ATP11A: variants seen among roughly 807,000 people sequenced by gnomAD.
ATP11A encodes the protein phospholipid-transporting ATPase IH.
A neutral mutation model predicts 154.4 loss-of-function variants in ATP11A; 81 were observed. That is an observed-to-expected ratio of 0.52 (90% confidence interval 0.44 to 0.63). The LOEUF (loss-of-function observed/expected upper bound fraction) is 0.63, where lower values mean the gene tolerates loss of function less well. Among genes scored for constraint, ATP11A ranks in the 30% least tolerant of loss-of-function variants. The pLI is 0.00. For synonymous variants in ATP11A, 623 were observed against 585.9 expected, an observed-to-expected ratio of 1.06 and a Z score of -0.91; for missense variants, 1,316 against 1,474.3, an observed-to-expected ratio of 0.89 and a Z score of 1.76.
intron 1 of ATP11A, among the ~76,000 whole-genome samples, chr13:112,783,957 C>A (rs780178608): frequency 4.6e-5 from 7 of 152,190 alleles, no homozygotes; most frequent in African/African-American, 1.7e-4. Flanking sequence ...TGAGCAGACA[C>A]CTAGCAGGGT....
At chr13:112,862,010 A>G (rs1228396693) in intron 24 of ATP11A, among the ~76,000 whole-genome samples, 1 of 152,146 alleles carries the variant, frequency 6.6e-6, no homozygotes, top group African/African-American at 2.4e-5. Context: ...AAGGTGTCAC[A>G]GCAGGCGTAA....
intron 1 of ATP11A, among the ~76,000 whole-genome samples, chr13:112,705,443 G>T (rs2139524325): frequency 1.3e-5 from 2 of 152,290 alleles, no homozygotes; most frequent in Admixed American, 1.3e-4. Context: ...TGAAGATTCT[G>T]TGGGGAGCAA....
At chr13:112,725,821 T>A (rs1889794305) in intron 1 of ATP11A, among the ~76,000 whole-genome samples, 1 of 152,202 alleles carries the variant, frequency 6.6e-6, no homozygotes, top group South Asian at 2.1e-4. Flanking sequence ...TTGGAACAGA[T>A]CCCTGCGTGC....
chr13:112,858,490 C>A, intron 22 of ATP11A, 200 bp downstream of exon 22: 1 of 531,290 alleles, frequency 1.9e-6, no homozygotes, highest in Non-Finnish European at 3.2e-6. Context: ...CCATTACCTA[C>A]AGTCAACCCA....
At position 112,716,994 on chromosome 13, in the gene ATP11A, C is replaced by T. The variant is rs554887427; in HGVS notation, c.39+26539C>T. On this transcript the variant is annotated intron_variant, in intron 1 of 29. Coordinates refer to ENST00000375645, the MANE Select transcript of ATP11A (RefSeq NM_015205.3). ...GTGTCCACCCACAGACGCAGACCCA[C>T]TGGCCTGCAGGGCCCATAGAGGCTG... Among the ~76,000 whole-genome samples the T allele has an allele frequency of 2.2e-4, 33 of 152,154 alleles. 1 individual carries two copies. Among genetic ancestry groups the T allele is most frequent in the East Asian group, 9.7e-4 (5 of 5,158 alleles).
At position 112,785,454 on chromosome 13, in the gene ATP11A, G is replaced by A. The variant is rs1361358865; in HGVS notation, c.162+197G>A. 6.6e-6 allele frequency among the ~76,000 whole-genome samples: 1 copy of A among 151,786 alleles called. No homozygotes were observed. Among genetic ancestry groups the A allele is most frequent in the African/African-American group, 2.4e-5 (1 of 41,330 alleles). On this transcript the variant is annotated intron_variant, in intron 2 of 29. Transcript: ENST00000375645. The surrounding 1 kb of genome is among the most constrained non-coding windows in gnomAD (Gnocchi z 4.8). ...CCCTCTCGGTGACTGCCCACAGGAG[G>A]CTTTCCACCTGCCCAGGGCTCACAG...
In ATP11A at chr13:112,860,417, A is replaced by G; in HGVS notation, c.2855+3A>G. ...AAGAGAGACCCGACCCTGTACAGGT[A>G]CCATCCTCCAAACAGCCTCTCCTGA... On this transcript the variant is annotated splice_donor_region_variant and intron_variant, in intron 24 of 29. Coordinates refer to ENST00000375645, the MANE Select transcript of ATP11A (RefSeq NM_015205.3). The G allele has an allele frequency of 6.2e-7, 1 of 1,614,048 alleles. No individual in the cohort carries two copies. The highest frequency in any genetic ancestry group is 8.5e-7 in the Non-Finnish European group (1 of 1,179,960).
At chr13:112,718,043 T>C (rs1006926126) in intron 1 of ATP11A, among the ~76,000 whole-genome samples, 3 of 152,240 alleles carry the variant, frequency 2.0e-5, no homozygotes, top group Non-Finnish European at 2.9e-5. Context: ...ACCACTGCAC[T>C]GCAGCCTGAG....
At chr13:112,741,930 TGCTCCCCTTCCCCACGGAAGAGC>T (rs905408632) in intron 1 of ATP11A, among the ~76,000 whole-genome samples, 3 of 151,970 alleles carry the variant, frequency 2.0e-5, no homozygotes, top group South Asian at 4.1e-4. Context: ...CTCCATAGAC[TGCTCCCCTTCCCCACGGAAGAGC>T]GCTCCCCTTC....
intron 28 of ATP11A, 145 bp from the exon 29 acceptor site, chr13:112,878,072 C>T (rs909032487): frequency 3.4e-5 from 25 of 737,448 alleles, no homozygotes; most frequent in African/African-American, 2.6e-4. Flanking sequence ...AGAACTTGCA[C>T]GTGGTGGCGA....
intron 24 of ATP11A, 35 bp from the exon 25 acceptor site, chr13:112,862,405 C>T (rs769362827): frequency 3.0e-5 from 49 of 1,610,628 alleles, no homozygotes; most frequent in South Asian, 2.4e-4. Context: ...CCCTGATTCT[C>T]GAGGACACAC....
rs2080907627 is a variant in ATP11A at position 112,882,418 on chromosome 13, C to G, written c.*552C>G. ...TGTTTCCTGCTTGCCCGGCCACCAC[C>G]CATGCCCTCCATAGGGTGAGGTGGA... On this transcript the variant is annotated 3_prime_UTR_variant, in exon 30 of 30. Transcript: ENST00000375645. This position sits in a 1 kb window ranked among gnomAD's most constrained non-coding sequence, Gnocchi z 5.1. 2.3e-6 allele frequency: 1 copy of G among 429,910 alleles called. No individual in the cohort carries two copies. The highest frequency in any genetic ancestry group is 2.0e-5 in the African/African-American group (1 of 50,334). 26.6% of individuals were successfully genotyped at this position (429,910 alleles called of 1,614,324 possible).
At chr13:112,841,993 G>A (rs927638354) in intron 16 of ATP11A, among the ~76,000 whole-genome samples, 7 of 152,164 alleles carry the variant, frequency 4.6e-5, no homozygotes, top group Non-Finnish European at 8.8e-5. Context: ...GTCCCCTTTC[G>A]TGTCTTTCCC....
chr13:112,691,484 GTGTGT>G (rs1467707853), intron 1 of ATP11A, among the ~76,000 whole-genome samples: 6 of 34,862 alleles, frequency 1.7e-4, no homozygotes, highest in East Asian at 7.8e-4. Context: ...AAAAAAAAGG[GTGTGT>G]GTGTGTGTGT....
At chr13:112,729,361 A>C (rs894526913) in intron 1 of ATP11A, among the ~76,000 whole-genome samples, 2 of 152,198 alleles carry the variant, frequency 1.3e-5, no homozygotes, top group African/African-American at 4.8e-5. Flanking sequence ...GAGGCAGCAC[A>C]GTCCCCTCGC....
At chr13:112,768,273 C>A (rs551917817) in intron 1 of ATP11A, among the ~76,000 whole-genome samples, 1 of 152,258 alleles carries the variant, frequency 6.6e-6, no homozygotes, top group African/African-American at 2.4e-5. Context: ...GCAGCGTCTT[C>A]GCTTTCACTT....
chr13:112,738,120 C>T (rs568589921), intron 1 of ATP11A, among the ~76,000 whole-genome samples: 2 of 152,162 alleles, frequency 1.3e-5, no homozygotes, highest in African/African-American at 4.8e-5. Context: ...GCCTATAATC[C>T]TAGCACTTTG....
chr13:112,806,435 G>A (rs143919640), intron 4 of ATP11A, 142 bp downstream of exon 4: 29 of 655,310 alleles, frequency 4.4e-5, no homozygotes, highest in Middle Eastern at 2.7e-4. Context: ...TTATAACTGC[G>A]TTAGATTGAT....
At chr13:112,873,124 T>C (rs1430384430) in intron 26 of ATP11A, among the ~76,000 whole-genome samples, 2 of 118,048 alleles carry the variant, frequency 1.7e-5, no homozygotes, top group African/African-American at 6.5e-5. Context: ...TTTGTCTTCC[T>C]GAACGGTGTG....
Sources: gnomAD v4.1 joint callset for allele counts (sites outside exome capture counted in the v4.1 genomes callset) on GRCh38, gnomAD v4.1.1 for gene constraint, Gnocchi (gnomAD v3.1) non-coding constraint, MANE v1.5 for transcripts, NCBI Gene and HGNC (gene_info 2026-07-23, HGNC 2026-07-21) for gene names.